RPGRIP1L: variants seen among roughly 807,000 people sequenced by gnomAD.
RPGRIP1L encodes the protein RPGRIP1 like.
RPGRIP1L carries 131 observed loss-of-function variants against 160.4 expected under a neutral mutation model. That is an observed-to-expected ratio of 0.82 (90% confidence interval 0.71 to 0.94). The LOEUF (loss-of-function observed/expected upper bound fraction) is 0.94, where lower values mean the gene tolerates loss of function less well. Ranked by LOEUF, RPGRIP1L falls within the 40% of genes least tolerant of loss-of-function variation. RPGRIP1L has a pLI of 0.00. For missense variants in RPGRIP1L, 1,522 were observed against 1,535.8 expected, an observed-to-expected ratio of 0.99 and a Z score of 0.15; for synonymous variants, 510 against 515.8, an observed-to-expected ratio of 0.99 and a Z score of 0.15.
intron 24 of RPGRIP1L, among the ~76,000 whole-genome samples, chr16:53,615,470 A>ATTTTTTTTTTT (rs1436816285): frequency 1.2e-5 from 1 of 85,268 alleles, no homozygotes; most frequent in African/African-American, 5.0e-5. Flanking sequence ...ATATATATAT[A>ATTTTTTTTTTT]TATTTTTTTT....
chr16:53,612,490 T>C (rs748048716), intron 24 of RPGRIP1L, among the ~76,000 whole-genome samples: 4,235 of 65,224 alleles, frequency 0.065, 101 homozygotes, highest in Non-Finnish European at 0.076. Context: ...CCAAATGGGA[T>C]TTTTTTTTTT....
At chr16:53,606,052 A>C (rs1311952658) in intron 25 of RPGRIP1L, among the ~76,000 whole-genome samples, 1 of 152,234 alleles carries the variant, frequency 6.6e-6, no homozygotes, top group Non-Finnish European at 1.5e-5. Context: ...GTTGCTACTA[A>C]GGAATTTAAC....
At chr16:53,621,867 C>CA (rs1428113206) in intron 23 of RPGRIP1L, among the ~76,000 whole-genome samples, 10 of 149,412 alleles carry the variant, frequency 6.7e-5, no homozygotes, top group African/African-American at 2.0e-4. Context: ...ACTAAAAATA[C>CA]AAAAAATCAA....
chr16:53,688,825 G>A (rs138271153), intron 4 of RPGRIP1L, among the ~76,000 whole-genome samples: 6 of 151,950 alleles, frequency 3.9e-5, no homozygotes, highest in Non-Finnish European at 7.4e-5. Context: ...ACTATTACTC[G>A]CTCTTTCCAA....
intron 2 of RPGRIP1L, among the ~76,000 whole-genome samples, chr16:53,700,246 G>T (rs1971283724): frequency 6.6e-6 from 1 of 152,094 alleles, no homozygotes. Context: ...CACTTAAAAG[G>T]CAAAACACTT....
rs759259828 is a variant in RPGRIP1L at position 53,637,746 on chromosome 16, A to G, written c.3169T>C (p.Leu1057=). 1 of 1,612,512 alleles carries G rather than the reference A, an allele frequency of 6.2e-7. No homozygotes were observed. The highest frequency in any genetic ancestry group is 8.5e-7 in the Non-Finnish European group (1 of 1,179,800). Residue 1057 remains leucine, a synonymous_variant, in exon 21 of 27, where the codon TTG becomes CTG. Transcript: ENST00000647211. The stretch of plus-strand genomic sequence containing the variant: ...TCTGTTTCATCTTCAGAAGATGCCA[A>G]GCTTTGTTCTGCAAGCTGACCTTCA... The part of the protein sequence containing the change: ...LSEGQLAEQS[L]ASSEDETEIT...
chr16:53,692,052 A>T lies in RPGRIP1L; in HGVS notation c.529+14T>A. On this transcript the variant is annotated intron_variant, in intron 4 of 26. Coordinates refer to ENST00000647211, the MANE Select transcript of RPGRIP1L (RefSeq NM_015272.5). ...TAAGACTTCAGTTTAGATTTAACGTAAGCTTTGTTTTACCTTTCCTGGGGC... is the reference window on the plus strand; with the variant it reads ...TAAGACTTCAGTTTAGATTTAACGTTAGCTTTGTTTTACCTTTCCTGGGGC... 1 of 1,613,102 alleles carries T rather than the reference A, an allele frequency of 6.2e-7. No individual in the cohort carries two copies. Among genetic ancestry groups the T allele is most frequent in the South Asian group, 1.1e-5 (1 of 91,062 alleles).
At chr16:53,697,361 C>T (rs966601634) in intron 2 of RPGRIP1L, among the ~76,000 whole-genome samples, 4 of 137,072 alleles carry the variant, frequency 2.9e-5, no homozygotes, top group South Asian at 2.4e-4. Flanking sequence ...CCTCTCCCCA[C>T]GGTCTCCCTC....
intron 25 of RPGRIP1L, among the ~76,000 whole-genome samples, chr16:53,606,619 T>C (rs1963702424): frequency 6.6e-6 from 1 of 152,168 alleles, no homozygotes; most frequent in Non-Finnish European, 1.5e-5. Flanking sequence ...TTTTTGTTTG[T>C]TGTGTTTTTT....
chr16:53,696,258 T>C lies in RPGRIP1L; in HGVS notation c.123A>G (p.Ala41=), dbSNP rs569208946. ...GTTCCTCACGACTGACACGTGACAC[T>C]GCCTGGCGAGACTTCATTGTCCGTG... is the stretch of plus-strand genomic sequence containing the variant. The part of the protein sequence containing the change: ...STTRTMKSRQ[A]VSRVSREELE... Residue 41 remains alanine, a synonymous_variant, in exon 3 of 27, where the codon GCA becomes GCG. Transcript: ENST00000647211. The C allele has an allele frequency of 4.9e-4, 789 of 1,614,088 alleles. 23 individuals carry two copies. In the South Asian group the frequency reaches 8.5e-3, roughly 17 times the overall value.
intron 15 of RPGRIP1L, among the ~76,000 whole-genome samples, chr16:53,651,930 T>C: frequency 6.6e-6 from 1 of 150,878 alleles, no homozygotes; most frequent in Admixed American, 6.6e-5. Context: ...TAAACTATTA[T>C]TATGAACTTA....
intron 9 of RPGRIP1L, among the ~76,000 whole-genome samples, chr16:53,666,466 T>A (rs1271545537): frequency 6.6e-6 from 1 of 152,122 alleles, no homozygotes; most frequent in African/African-American, 2.4e-5. Context: ...TATTCCTTTT[T>A]ATGTTTGTTT....
intron 9 of RPGRIP1L, 130 bp from the exon 10 acceptor site, chr16:53,665,139 G>T: frequency 8.7e-7 from 1 of 1,152,026 alleles, no homozygotes; most frequent in Non-Finnish European, 1.2e-6. Flanking sequence ...ACATATGCTG[G>T]TCTGCTGCTG....
At chr16:53,630,151 C>T (rs1164322005) in intron 22 of RPGRIP1L, among the ~76,000 whole-genome samples, 1 of 152,056 alleles carries the variant, frequency 6.6e-6, no homozygotes, top group South Asian at 2.1e-4. Context: ...CTCAAGCGAT[C>T]CTCCAACCTC....
At chr16:53,643,844 A>G (rs1011005059) in intron 17 of RPGRIP1L, among the ~76,000 whole-genome samples, 7 of 152,234 alleles carry the variant, frequency 4.6e-5, no homozygotes, top group African/African-American at 1.7e-4. Context: ...ATGCAAAGAA[A>G]TAGGAAAATG....
intron 8 of RPGRIP1L, among the ~76,000 whole-genome samples, chr16:53,672,347 C>T (rs1325665852): frequency 6.6e-6 from 1 of 152,112 alleles, no homozygotes; most frequent in Non-Finnish European, 1.5e-5. Context: ...AAGATCAGAA[C>T]AGAATGCAGG....
rs146822497 is a variant in RPGRIP1L, at chr16:53,654,338, G to C, written c.1700-1351C>G. On this transcript the variant is annotated intron_variant, in intron 14 of 26. Coordinates refer to ENST00000647211, the MANE Select transcript of RPGRIP1L (RefSeq NM_015272.5). ...CTTTTTTTGACTTTCCTGAATTCCA[G>C]TTGGATGGATCTACAGTGCAGTTTC... 4.5e-4 allele frequency among the ~76,000 whole-genome samples: 68 copies of C among 152,198 alleles called. 2 individuals carry two copies. Among genetic ancestry groups the C allele is most frequent in the Admixed American group, 4.3e-3 (65 of 15,286 alleles).
intron 18 of RPGRIP1L, 23 bp downstream of exon 18, chr16:53,641,262 A>G: frequency 6.2e-7 from 1 of 1,609,620 alleles, no homozygotes. Flanking sequence ...CTTGTAAAAA[A>G]ATTAAAAGTC....
At chr16:53,608,936 C>CTG (rs1963852445) in intron 25 of RPGRIP1L, among the ~76,000 whole-genome samples, 1 of 152,190 alleles carries the variant, frequency 6.6e-6, no homozygotes, top group Admixed American at 6.5e-5. Flanking sequence ...ATGGCCAGCA[C>CTG]TGAAACACTC....
Sources: allele counts gnomAD v4.1 joint callset (sites outside exome capture counted in the v4.1 genomes callset), GRCh38; gene constraint gnomAD v4.1.1; transcripts MANE v1.5; gene names NCBI Gene and HGNC (gene_info 2026-07-23, HGNC 2026-07-21).